Variants in UNC13C observed in about 807,000 individuals in gnomAD.
UNC13C encodes the protein protein unc-13 homolog C.
In UNC13C, 174 loss-of-function variants were observed where a neutral mutation model predicts 245.4. That is an observed-to-expected ratio of 0.71 (90% CI 0.63 to 0.80). The LOEUF is 0.80. UNC13C is among the 30% of genes least tolerant of loss of function. The probability of loss-of-function intolerance (pLI) is 0.00; values close to 1 mark genes in which losing one functional copy is unlikely to be tolerated. For synonymous variants in UNC13C, 992 were observed against 895.1 expected, an observed-to-expected ratio of 1.11 and a Z score of -1.93; for missense variants, 2,829 against 2,602.9, an observed-to-expected ratio of 1.09 and a Z score of -1.89.
chr15:53,944,037 A>G, the UNC13C span, among the ~76,000 whole-genome samples: 3 of 152,084 alleles, frequency 2.0e-5, no homozygotes, highest in African/African-American at 7.2e-5. Flanking sequence ...TAGACAGCAT[A>G]TAATTGTGTC....
At chr15:54,050,081 T>C (rs1897210628) in intron 2 of UNC13C, 1 of 324,606 alleles carries the variant, frequency 3.1e-6, no homozygotes, top group Non-Finnish European at 6.1e-6. Flanking sequence ...GCAATTCTCC[T>C]GCCTCAGCCT....
intron 30 of UNC13C, among the ~76,000 whole-genome samples, chr15:54,579,829 G>T (rs574044587): frequency 6.6e-6 from 1 of 152,172 alleles, no homozygotes; most frequent in African/African-American, 2.4e-5. Context: ...TAGCACAATC[G>T]CCTGGAGTGG....
At chr15:54,144,862 A>G (rs1470803761) in intron 4 of UNC13C, among the ~76,000 whole-genome samples, 1 of 152,094 alleles carries the variant, frequency 6.6e-6, no homozygotes, top group East Asian at 1.9e-4. Context: ...TAATTTGTGG[A>G]TCAATGCTTA....
At chr15:54,155,149 G>T (rs900704934) in intron 4 of UNC13C, among the ~76,000 whole-genome samples, 1 of 152,042 alleles carries the variant, frequency 6.6e-6, no homozygotes, top group African/African-American at 2.4e-5. Flanking sequence ...TGATTCCTTG[G>T]GTCTTGTCTA....
At chr15:54,365,049 G>A (rs1246748273) in intron 17 of UNC13C, among the ~76,000 whole-genome samples, 1 of 151,882 alleles carries the variant, frequency 6.6e-6, no homozygotes, top group Non-Finnish European at 1.5e-5. Context: ...AATTTTGACA[G>A]CCTTTTTTTT....
At chr15:54,570,446 T>TCTAC (rs1225085273) in intron 30 of UNC13C, among the ~76,000 whole-genome samples, 1 of 152,188 alleles carries the variant, frequency 6.6e-6, no homozygotes, top group Non-Finnish European at 1.5e-5. Context: ...AATTCTCTTC[T>TCTAC]CTACCTGTAC....
At chr15:54,195,114 C>T (rs1479819319) in intron 4 of UNC13C, among the ~76,000 whole-genome samples, 1 of 100,390 alleles carries the variant, frequency 1.0e-5, no homozygotes, top group Non-Finnish European at 2.4e-5. Flanking sequence ...TGATACTGCA[C>T]ATACAAAAAT....
intron 4 of UNC13C, among the ~76,000 whole-genome samples, chr15:54,167,483 C>T (rs2033209365): frequency 8.3e-6 from 1 of 120,898 alleles, no homozygotes; most frequent in African/African-American, 3.1e-5. Context: ...GCCTGGGTGA[C>T]AGAGCGACAC....
At chr15:54,235,869 A>T (rs1237703684) in intron 5 of UNC13C, among the ~76,000 whole-genome samples, 1 of 152,154 alleles carries the variant, frequency 6.6e-6, no homozygotes, top group East Asian at 1.9e-4. Flanking sequence ...AATAAAAATA[A>T]TAAAAAAGAA....
intron 2 of UNC13C, among the ~76,000 whole-genome samples, chr15:54,130,268 G>A (rs926125799): frequency 2.7e-5 from 4 of 148,014 alleles, no homozygotes; most frequent in Non-Finnish European, 4.5e-5. Flanking sequence ...AGGCTTCTTC[G>A]TGGCCAGGTA....
the UNC13C span, among the ~76,000 whole-genome samples, chr15:53,936,988 T>G: frequency 6.6e-6 from 1 of 152,184 alleles, no homozygotes; most frequent in East Asian, 1.9e-4. Flanking sequence ...TCCAAATGAC[T>G]GCAACACCTC....
At chr15:54,412,250 G>A (rs765975783) in intron 18 of UNC13C, among the ~76,000 whole-genome samples, 1 of 151,894 alleles carries the variant, frequency 6.6e-6, no homozygotes, top group African/African-American at 2.4e-5. Context: ...AATTTATAAA[G>A]GAAAGAGGTT....
intron 32 of UNC13C, 54 bp from the exon 33 acceptor site, chr15:54,626,774 A>G: frequency 6.8e-7 from 1 of 1,480,326 alleles, no homozygotes; most frequent in Non-Finnish European, 9.2e-7. Flanking sequence ...AACCATAATG[A>G]TGCCTAGTGG....
intron 4 of UNC13C, among the ~76,000 whole-genome samples, chr15:54,208,070 G>A (rs1480632899): frequency 6.6e-6 from 1 of 152,116 alleles, no homozygotes; most frequent in East Asian, 1.9e-4. Context: ...AGCTTCTGGT[G>A]AGGGCTTTGG....
the UNC13C span, chr15:53,912,348 C>A: frequency 1.3e-5 from 2 of 152,472 alleles, no homozygotes; most frequent in East Asian, 3.9e-4. Context: ...GGGAACTGGA[C>A]AACTGGAGGC....
chr15:54,026,840 C>T (rs574853360), intron 2 of UNC13C, among the ~76,000 whole-genome samples: 1 of 152,062 alleles, frequency 6.6e-6, no homozygotes, highest in Non-Finnish European at 1.5e-5. Context: ...CTTTAATTTC[C>T]TGGCTGGGCG....
intron 30 of UNC13C, among the ~76,000 whole-genome samples, chr15:54,616,229 A>T (rs1018800864): frequency 2.0e-5 from 3 of 152,038 alleles, no homozygotes; most frequent in African/African-American, 7.2e-5. Context: ...CAGTAAGTTT[A>T]AAGTCCAGAA....
intron 30 of UNC13C, among the ~76,000 whole-genome samples, chr15:54,571,969 T>G (rs1415598698): frequency 2.6e-5 from 4 of 152,228 alleles, no homozygotes; most frequent in Admixed American, 1.3e-4. Context: ...TACTTACTTT[T>G]TACTTACTTA....
intron 17 of UNC13C, among the ~76,000 whole-genome samples, chr15:54,339,002 G>C (rs2038662015): frequency 6.6e-6 from 1 of 152,188 alleles, no homozygotes; most frequent in Non-Finnish European, 1.5e-5. Flanking sequence ...CAGTAGCTGG[G>C]ATTACAGGCA....
Sources: allele counts gnomAD v4.1 joint callset (sites outside exome capture counted in the v4.1 genomes callset), GRCh38; gene constraint gnomAD v4.1.1; transcripts MANE v1.5; gene names NCBI Gene and HGNC (gene_info 2026-07-23, HGNC 2026-07-21).